The following VPS9D1 variants were observed in gnomAD, a reference collection of about 807,000 sequenced individuals.
VPS9D1 encodes the protein VPS9 domain containing 1, also known as VPS9 domain-containing protein 1.
A neutral mutation model predicts 75.8 loss-of-function variants in VPS9D1; 78 were observed. The observed-to-expected ratio is 1.03, with a 90% confidence interval of 0.86 to 1.24. The LOEUF (loss-of-function observed/expected upper bound fraction) is 1.24, where lower values mean the gene tolerates loss of function less well. Ranked by LOEUF, VPS9D1 falls within the 50% of genes most tolerant of loss-of-function variation. VPS9D1 has a pLI of 0.00. For missense variants in VPS9D1, 1,057 were observed against 847.7 expected, an observed-to-expected ratio of 1.25 and a Z score of -3.07; for synonymous variants, 481 against 385.6, an observed-to-expected ratio of 1.25 and a Z score of -2.90.
chr16:89,708,461 C>A lies in VPS9D1; in HGVS notation c.1768G>T (p.Glu590Ter). 2.5e-6 allele frequency: 4 copies of A among 1,612,972 alleles called. No individual in the cohort carries two copies. The highest frequency in any genetic ancestry group is 3.4e-6 in the Non-Finnish European group (4 of 1,179,880). The change falls in exon 14 of 15, where the codon GAG becomes TAG. Residue 590 changes from glutamate to a stop codon, truncating the protein, a stop_gained. Transcript: ENST00000389386. LOFTEE classifies it high-confidence loss of function. The part of the protein sequence containing the change: ...LRSGLPQLVS[E>*]CAALEEFIHE... ...ATGAACTCCTCCAGGGCCGCGCACT[C>A]CGACACCAGCTGAGGGAGGCCGCTC...
At chr16:89,720,489 C>T (rs2061228355) in intron 1 of VPS9D1, 2 of 1,119,976 alleles carry the variant, frequency 1.8e-6, no homozygotes, top group Non-Finnish European at 2.2e-6. Context: ...GACCCTCCTG[C>T]TACATCTCCT....
At position 89,708,514 on chromosome 16, in the gene VPS9D1, A is replaced by G. The variant is rs2060840371; in HGVS notation, c.1715T>C (p.Leu572Pro). 1.2e-6 allele frequency: 2 copies of G among 1,612,972 alleles called. No individual in the cohort carries two copies. The highest frequency in any genetic ancestry group is 8.5e-7 in the Non-Finnish European group (1 of 1,179,894). Residue 572 changes from leucine to proline, a missense_variant, in exon 14 of 15, where the codon CTG (leucine) becomes CCG (proline). By Grantham distance (98) the Leu-to-Pro change is moderately conservative (BLOSUM62 -3). Coordinates refer to ENST00000389386, the MANE Select transcript of VPS9D1 (RefSeq NM_004913.3). ...CAGCACCACGAAGGACAGGATGGGC[A>G]GCAGGTCATCGGCACCACTGTCGGG... ...AAAAIGADDL[L>P]PILSFVVLRS...
At chr16:89,713,307 C>T (rs1053281643) in intron 4 of VPS9D1, among the ~76,000 whole-genome samples, 17 of 151,296 alleles carry the variant, frequency 1.1e-4, no homozygotes, top group East Asian at 4.0e-4. Context: ...CAGGCTGGAG[C>T]GCAGTGGCGC....
intron 3 of VPS9D1, 41 bp from the exon 4 acceptor site, chr16:89,716,665 A>C (rs543062466): frequency 6.2e-7 from 1 of 1,606,238 alleles, no homozygotes; most frequent in East Asian, 2.2e-5. Context: ...GGTGGGCCAC[A>C]TCCCACAGAG....
chr16:89,714,110 T>C (rs1252226149), intron 4 of VPS9D1, among the ~76,000 whole-genome samples: 1 of 152,080 alleles, frequency 6.6e-6, no homozygotes, highest in Non-Finnish European at 1.5e-5. Flanking sequence ...CTAATTTTTG[T>C]ATTTTTTAGT....
At position 89,708,451 on chromosome 16, in the gene VPS9D1, G is replaced by A; in HGVS notation, c.1778C>T (p.Ala593Val). 1 of 1,612,648 alleles carries A rather than the reference G, an allele frequency of 6.2e-7. No individual in the cohort carries two copies. The change falls in exon 14 of 15, where the codon GCC becomes GTC. Residue 593 changes from alanine to valine, a missense_variant. Ala to Val is a moderately conservative substitution (Grantham distance 64). Coordinates refer to ENST00000389386, the MANE Select transcript of VPS9D1 (RefSeq NM_004913.3). ...CCCCTCGTGGATGAACTCCTCCAGG[G>A]CCGCGCACTCCGACACCAGCTGAGG... is the stretch of plus-strand genomic sequence containing the variant. ...GLPQLVSECA[A>V]LEEFIHEGYL...
chr16:89,717,852 C>A (rs1420220307), intron 2 of VPS9D1: 1 of 456,520 alleles, frequency 2.2e-6, no homozygotes, highest in South Asian at 1.6e-5. Flanking sequence ...ATCCTACGTC[C>A]AGTGGCTGCC....
chr16:89,719,333 G>A (rs2061177539), intron 1 of VPS9D1: 5 of 503,310 alleles, frequency 9.9e-6, no homozygotes, highest in Non-Finnish European at 1.9e-5. Context: ...ATCAGGACCT[G>A]AGAGAGAGAG....
chr16:89,718,927 A>G, intron 2 of VPS9D1, 100 bp downstream of exon 2: 1 of 983,358 alleles, frequency 1.0e-6, no homozygotes, highest in East Asian at 2.5e-5. Flanking sequence ...GTTAGCCAGG[A>G]TGGTTTCGAT....
At chr16:89,710,511 A>G (rs953111028) in intron 10 of VPS9D1, 75 bp downstream of exon 10, 2 of 1,479,958 alleles carry the variant, frequency 1.4e-6, no homozygotes, top group African/African-American at 2.8e-5. Context: ...CCCTTCCCCA[A>G]ACAGAAGCTT....
At chr16:89,708,349 G>A (rs1001258318) in intron 14 of VPS9D1, 78 bp downstream of exon 14, 63 of 1,403,258 alleles carry the variant, frequency 4.5e-5, no homozygotes, top group Non-Finnish European at 5.9e-5. Context: ...AGCTGCTACT[G>A]ACAACCACCG....
chr16:89,713,540 T>C (rs989056040), intron 4 of VPS9D1, among the ~76,000 whole-genome samples: 4 of 151,586 alleles, frequency 2.6e-5, no homozygotes, highest in Admixed American at 6.6e-5. Context: ...AGGCGTGAGC[T>C]ACCGCGCCCG....
At chr16:89,718,678 G>A (rs1004644112) in intron 2 of VPS9D1, among the ~76,000 whole-genome samples, 5 of 152,128 alleles carry the variant, frequency 3.3e-5, no homozygotes, top group Admixed American at 1.3e-4. Context: ...CCAGCATGGA[G>A]GAAGCAGCAG....
chr16:89,709,749 G>T lies in VPS9D1; in HGVS notation c.1388+28C>A, dbSNP rs751654330. 8 of 1,613,014 alleles carry T rather than the reference G, an allele frequency of 5.0e-6. 1 individual carries two copies. In the Admixed American group the frequency reaches 1.3e-4, roughly 27 times the overall value. On this transcript the variant is annotated intron_variant, in intron 11 of 14. Transcript: ENST00000389386. ...ACTGGGCTGGAAGACACTAGGCCAC[G>T]CAGGTGGTTGTACAGCTGGGTCCAT...
At chr16:89,715,827 C>G (rs1020267567) in intron 4 of VPS9D1, among the ~76,000 whole-genome samples, 1 of 152,046 alleles carries the variant, frequency 6.6e-6, no homozygotes, top group South Asian at 2.1e-4. Flanking sequence ...CAGGTGCACA[C>G]CACCACGGCC....
At chr16:89,708,329 T>C (rs2060835835) in intron 14 of VPS9D1, 98 bp downstream of exon 14, 1 of 1,215,998 alleles carries the variant, frequency 8.2e-7, no homozygotes, top group South Asian at 1.4e-5. Flanking sequence ...AGCCACACGC[T>C]ACCCTCCCCA....
intron 1 of VPS9D1, among the ~76,000 whole-genome samples, chr16:89,719,570 A>G (rs1220604296): frequency 6.6e-6 from 1 of 152,242 alleles, no homozygotes; most frequent in East Asian, 1.9e-4. Flanking sequence ...GAAGTTTTCA[A>G]ATCACTTCCC....
intron 12 of VPS9D1, 81 bp from the exon 13 acceptor site, chr16:89,709,037 A>T (rs1242304268): frequency 4.3e-6 from 2 of 461,934 alleles, no homozygotes; most frequent in South Asian, 3.5e-5. Context: ...CCACCCACCC[A>T]CCTCCTGATG....
chr16:89,712,421 T>C (rs1175737615), intron 6 of VPS9D1, 39 bp downstream of exon 6: 1 of 1,610,174 alleles, frequency 6.2e-7, no homozygotes, highest in East Asian at 2.2e-5. Context: ...CCACACTGAG[T>C]TTCCCCTCGG....
Sources: allele counts gnomAD v4.1 joint callset (sites outside exome capture counted in the v4.1 genomes callset), GRCh38; gene constraint gnomAD v4.1.1; transcripts MANE v1.5; gene names NCBI Gene and HGNC (gene_info 2026-07-23, HGNC 2026-07-21).